The following SUSD1 variants were observed in gnomAD, a reference collection of about 807,000 sequenced individuals.
SUSD1 encodes the protein sushi domain-containing protein 1.
Under a neutral mutation model 86.9 loss-of-function variants are expected in SUSD1, and 65 were observed. That is an observed-to-expected ratio of 0.75 (90% CI 0.61 to 0.92). The LOEUF is 0.92. Ranked by LOEUF, SUSD1 falls within the 40% of genes least tolerant of loss-of-function variation. The pLI, the probability that SUSD1 is intolerant of heterozygous loss-of-function variation, is 0.00. For missense variants in SUSD1, 850 were observed against 929.7 expected, an observed-to-expected ratio of 0.91 and a Z score of 1.11; for synonymous variants, 346 against 350.0, an observed-to-expected ratio of 0.99 and a Z score of 0.13.
intron 3 of SUSD1, among the ~76,000 whole-genome samples, chr9:112,144,242 G>GA (rs569006676): frequency 0.015 from 1,994 of 128,650 alleles, 42 homozygotes; most frequent in African/African-American, 0.052. Flanking sequence ...CCGTCTCAAA[G>GA]AAAAAAAAAA....
At position 112,095,347 on chromosome 9, in the gene SUSD1, G is replaced by C. The variant is rs148846713; in HGVS notation, c.1474+3123C>G. On this transcript the variant is annotated intron_variant, in intron 10 of 16. Transcript: ENST00000374270. The stretch of plus-strand genomic sequence containing the variant: ...AGGGTAAAGGCTTAGAGCTGAGCAG[G>C]ACCTGCTAAGTAAGAACGTTCTCAG... Among the ~76,000 whole-genome samples, 314 of 152,342 alleles carry C rather than the reference G, an allele frequency of 2.1e-3. 2 individuals are homozygous for C. Among genetic ancestry groups the C allele is most frequent in the South Asian group, 0.02 (96 of 4,828 alleles).
intron 6 of SUSD1, among the ~76,000 whole-genome samples, chr9:112,120,994 C>G (rs1315739471): frequency 6.6e-6 from 1 of 152,230 alleles, no homozygotes; most frequent in Non-Finnish European, 1.5e-5. Flanking sequence ...AGCTACCTCA[C>G]CTCCTCCAAA....
intron 12 of SUSD1, among the ~76,000 whole-genome samples, chr9:112,074,767 T>C (rs951248435): frequency 2.0e-5 from 3 of 151,814 alleles, no homozygotes; most frequent in East Asian, 1.9e-4. Context: ...TTCTCTTTTT[T>C]CCTCCTTTTA....
chr9:112,106,389 A>T (rs1830841448), intron 8 of SUSD1, among the ~76,000 whole-genome samples: 1 of 152,142 alleles, frequency 6.6e-6, no homozygotes, highest in South Asian at 2.1e-4. Context: ...ATGACCCAAG[A>T]ATTTTATCTT....
intron 5 of SUSD1, among the ~76,000 whole-genome samples, chr9:112,125,117 C>T (rs766878205): frequency 2.0e-5 from 3 of 151,860 alleles, no homozygotes; most frequent in Non-Finnish European, 4.4e-5. Context: ...TTTAAAAAAT[C>T]GATCCGTTTA....
At chr9:112,098,777 A>G in intron 9 of SUSD1, 115 bp from the exon 10 acceptor site, 1 of 929,868 alleles carries the variant, frequency 1.1e-6, no homozygotes, top group South Asian at 1.7e-5. Flanking sequence ...ATCCTTGCCC[A>G]CTTAGAATTA....
chr9:112,052,269 TCTTTG>T (rs752054894), intron 15 of SUSD1, 125 bp downstream of exon 15: 9 of 1,570,758 alleles, frequency 5.7e-6, no homozygotes, highest in Non-Finnish European at 6.9e-6. Context: ...GCTATGAAGC[TCTTTG>T]CTTAAAGTAG....
intron 1 of SUSD1, 22 bp from the exon 2 acceptor site, chr9:112,157,635 T>C: frequency 1.3e-6 from 2 of 1,594,932 alleles, no homozygotes; most frequent in Non-Finnish European, 1.7e-6. Flanking sequence ...ATTGTATGTT[T>C]CAGAAAAAGA....
intron 5 of SUSD1, among the ~76,000 whole-genome samples, chr9:112,134,768 T>TAA (rs552281974): frequency 7.0e-6 from 1 of 143,322 alleles, no homozygotes; most frequent in Non-Finnish European, 1.5e-5. Flanking sequence ...TGAAATTATT[T>TAA]AAAAAAAAAA....
At chr9:112,112,640 A>C (rs1255438341) in intron 7 of SUSD1, 131 bp downstream of exon 7, 15 of 614,044 alleles carry the variant, frequency 2.4e-5, no homozygotes, top group Admixed American at 1.2e-4. Context: ...TCTCACAAAA[A>C]AAATAAAAGA....
At chr9:112,118,507 C>T (rs1043162819) in intron 6 of SUSD1, among the ~76,000 whole-genome samples, 9 of 152,038 alleles carry the variant, frequency 5.9e-5, no homozygotes, top group African/African-American at 1.7e-4. Flanking sequence ...TTTTTGGAGA[C>T]GGAGTCTTGC....
intron 8 of SUSD1, among the ~76,000 whole-genome samples, chr9:112,105,726 C>A (rs1215170587): frequency 6.6e-6 from 1 of 151,744 alleles, no homozygotes; most frequent in East Asian, 1.9e-4. Flanking sequence ...CGCAAAACGA[C>A]AACAACAACA....
intron 13 of SUSD1, among the ~76,000 whole-genome samples, chr9:112,062,665 G>A (rs1034987633): frequency 1.1e-4 from 17 of 151,988 alleles, no homozygotes; most frequent in East Asian, 5.8e-4. Context: ...ACTGTACTCC[G>A]GCCTGTATGA....
rs374874509 is a variant in SUSD1, at chr9:112,041,886, G to A, written c.2224C>T (p.Leu742Phe). 43 of 1,613,778 alleles carry A rather than the reference G, an allele frequency of 2.7e-5. No individual in the cohort carries two copies. In the East Asian group the frequency reaches 5.6e-4, roughly 21 times the overall value. Residue 742 changes from leucine to phenylalanine, a missense_variant, in exon 16 of 17, where the codon CTC becomes TTC. Transcript: ENST00000374270. ...ACATACCACACCGCTGAGAAGGAGAGGAATGTGAGAATGATCACAACAGCC... is the reference window on the plus strand; with the variant it reads ...ACATACCACACCGCTGAGAAGGAGAAGAATGTGAGAATGATCACAACAGCC... The part of the protein sequence containing the change: ...SLAVVIILTF[L>F]SFSAV
At position 112,058,473 on chromosome 9, in the gene SUSD1, C is replaced by A; in HGVS notation, c.2064G>T (p.Gly688=). 1 of 1,614,130 alleles carries A rather than the reference C, an allele frequency of 6.2e-7. No individual in the cohort carries two copies. Among genetic ancestry groups the A allele is most frequent in the Non-Finnish European group, 8.5e-7 (1 of 1,179,994 alleles). ...GEYYNAPLKR[G]SDYCIILRIT... is the part of the protein sequence containing the mutation. ...TTCGTAATATAATGCAGTAATCACTCCCTCTTTTCAAGGGTGCATTATAAT... is the reference window on the plus strand; with the variant it reads ...TTCGTAATATAATGCAGTAATCACTACCTCTTTTCAAGGGTGCATTATAAT... The change falls in exon 14 of 17, where the codon GGG becomes GGT. Residue 688 remains glycine (G), a synonymous_variant. Transcript: ENST00000374270.
intron 14 of SUSD1, among the ~76,000 whole-genome samples, chr9:112,055,369 G>A (rs1472203067): frequency 6.6e-6 from 1 of 152,194 alleles, no homozygotes; most frequent in African/African-American, 2.4e-5. Context: ...CAAGGCTGCA[G>A]TGACCTGTGA....
chr9:112,058,950 C>T (rs191921287), intron 13 of SUSD1, among the ~76,000 whole-genome samples: 12 of 152,262 alleles, frequency 7.9e-5, no homozygotes, highest in African/African-American at 1.2e-4. Context: ...CATGCCACCA[C>T]GCCCAACTAA....
intron 1 of SUSD1, among the ~76,000 whole-genome samples, chr9:112,165,396 G>A (rs1454947788): frequency 6.9e-6 from 1 of 144,704 alleles, no homozygotes; most frequent in Non-Finnish European, 1.5e-5. Flanking sequence ...TCAAATACTA[G>A]GTCTTTGACA....
chr9:112,166,936 C>T (rs550899826), intron 1 of SUSD1, among the ~76,000 whole-genome samples: 5 of 152,262 alleles, frequency 3.3e-5, no homozygotes, highest in Admixed American at 2.0e-4. Flanking sequence ...CCACATCCCC[C>T]GGCTAAGGCT....
Sources: allele counts gnomAD v4.1 joint callset (sites outside exome capture counted in the v4.1 genomes callset), GRCh38; gene constraint gnomAD v4.1.1; transcripts MANE v1.5; gene names NCBI Gene and HGNC (gene_info 2026-07-23, HGNC 2026-07-21).